Variants in FBXO46 observed in about 807,000 individuals in gnomAD.
FBXO46 encodes F-box protein 46, also known as F-box only protein 46.
In FBXO46, 13 loss-of-function variants were observed where a neutral mutation model predicts 30.7. That is an observed-to-expected ratio of 0.42 (90% confidence interval 0.28 to 0.67). FBXO46 has a LOEUF of 0.67. Among genes scored for constraint, FBXO46 ranks in the 30% least tolerant of loss-of-function variants. The probability of loss-of-function intolerance (pLI) is 0.21; values close to 1 mark genes in which losing one functional copy is unlikely to be tolerated. For missense variants in FBXO46, 754 were observed against 871.5 expected (o/e 0.87, Z 1.70); for synonymous variants, 467 against 385.8 (o/e 1.21, Z -2.47).
rs1317058163 is a variant in FBXO46, at chr19:45,710,930, A to T, written c.*754T>A. The stretch of plus-strand genomic sequence containing the variant: ...CCCACGGGGCCCCCCCACGCTGTCA[A>T]AAGCGAGGCAAAGGGCTTCACAGCT... On this transcript the variant is annotated 3_prime_UTR_variant, in exon 2 of 2. Transcript: ENST00000317683. 5.6e-6 allele frequency: 1 copy of T among 179,744 alleles called. No homozygotes were observed. Among genetic ancestry groups the T allele is most frequent in the African/African-American group, 2.4e-5 (1 of 41,596 alleles). The allele number at this position is 179,744 out of a possible 1,614,324, so 11.1% of individuals were successfully genotyped here. A position where few individuals can be genotyped will look rare whatever the true frequency, so the allele number is the denominator to read the frequency against.
At chr19:45,729,004 G>A (rs1198940058) in intron 1 of FBXO46, among the ~76,000 whole-genome samples, 6 of 152,048 alleles carry the variant, frequency 3.9e-5, no homozygotes, top group South Asian at 2.1e-4. Flanking sequence ...TCAGCTACTC[G>A]GGAGGCTGAG....
rs1457955406 is a variant in FBXO46 at position 45,711,217 on chromosome 19, G to A, written c.*467C>T. The A allele has an allele frequency of 9.4e-6, 4 of 425,956 alleles. No homozygotes were observed. The highest frequency in any genetic ancestry group is 6.8e-5 in the South Asian group (4 of 58,506). The allele number at this position is 425,956 out of a possible 1,614,324, so 26.4% of individuals were successfully genotyped here. A position where few individuals can be genotyped will look rare whatever the true frequency, so the allele number is the denominator to read the frequency against. Reference sequence around the variant, plus strand: ...TTCCTAGAGAGGTGAGAGCTGTCGTGTGGCAGGTTAGGAGAGGTGCCAACC... The same window carrying A: ...TTCCTAGAGAGGTGAGAGCTGTCGTATGGCAGGTTAGGAGAGGTGCCAACC... On this transcript the variant is annotated 3_prime_UTR_variant, in exon 2 of 2. Coordinates refer to ENST00000317683, the MANE Select transcript of FBXO46 (RefSeq NM_001080469.2).
intron 1 of FBXO46, among the ~76,000 whole-genome samples, chr19:45,721,499 C>CAGTT (rs1407272422): frequency 6.6e-6 from 1 of 151,530 alleles, no homozygotes. Context: ...GGCACTTGCC[C>CAGTT]AGTTACATGG....
At position 45,712,543 on chromosome 19, in the gene FBXO46, G is replaced by A. The variant is rs781528654; in HGVS notation, c.953C>T (p.Ala318Val). The change falls in exon 2 of 2, where the codon GCC becomes GTC. Residue 318 changes from alanine (A) to valine (V), a missense_variant. By Grantham distance (64) the Ala-to-Val change is moderately conservative (BLOSUM62 0). Around this residue, in one of 5 missense-constraint regions of FBXO46, gnomAD observed 454 missense variants for 426.5 expected, o/e 1.06. Coordinates refer to ENST00000317683, the MANE Select transcript of FBXO46 (RefSeq NM_001080469.2). The surrounding 1 kb of genome is among the most constrained non-coding windows in gnomAD (Gnocchi z 8.8). ...CAGGAACTCCACGTTGCTGGGGAGGGCATCCCGCGAGGGGCTGATGAGCTG... is the reference window on the plus strand; with the variant it reads ...CAGGAACTCCACGTTGCTGGGGAGGACATCCCGCGAGGGGCTGATGAGCTG... ...LYQLISPSRD[A>V]LPSNVEFLLA... is the part of the protein sequence containing the mutation. 8 of 1,597,854 alleles carry A rather than the reference G, an allele frequency of 5.0e-6. No homozygotes were observed. Among genetic ancestry groups the A allele is most frequent in the South Asian group, 3.4e-5 (3 of 89,184 alleles).
chr19:45,718,551 C>T (rs1016846576), intron 1 of FBXO46, among the ~76,000 whole-genome samples: 4 of 152,132 alleles, frequency 2.6e-5, no homozygotes, highest in East Asian at 1.9e-4. Context: ...GCTGTTCCCA[C>T]CAACTGCAAT....
Position 45,713,009 on chromosome 19 carries a change from C to A in FBXO46, c.487G>T (p.Ala163Ser). ...GAGAGCAGGTCCACGTCCTCACCGGCTGAGGCGGGGCCCTCCTCAGCAGCA... is the reference window on the plus strand; with the variant it reads ...GAGAGCAGGTCCACGTCCTCACCGGATGAGGCGGGGCCCTCCTCAGCAGCA... ...PPAAEEGPAS[A>S]GEDVDLLSVA... The change falls in exon 2 of 2, where the codon GCC becomes TCC. Residue 163 changes from alanine to serine, a missense_variant. This residue lies in a region of FBXO46 where 454 missense variants were observed against 426.5 expected (regional missense o/e 1.06). Coordinates refer to ENST00000317683, the MANE Select transcript of FBXO46 (RefSeq NM_001080469.2). This position sits in a 1 kb window ranked among gnomAD's most constrained non-coding sequence, Gnocchi z 4.7. 1.3e-6 allele frequency: 2 copies of A among 1,558,582 alleles called. No homozygotes were observed. Among genetic ancestry groups the A allele is most frequent in the East Asian group, 2.3e-5 (1 of 43,232 alleles).
intron 1 of FBXO46, among the ~76,000 whole-genome samples, chr19:45,725,975 G>C (rs1968234363): frequency 6.6e-6 from 1 of 152,032 alleles, no homozygotes; most frequent in Admixed American, 6.6e-5. Flanking sequence ...GGGCCCAAGT[G>C]ATCCTCCCGC....
intron 1 of FBXO46, among the ~76,000 whole-genome samples, chr19:45,717,749 TCAGAGTATCCAG>T (rs1968117369): frequency 7.6e-6 from 1 of 130,928 alleles, no homozygotes; most frequent in Admixed American, 8.6e-5. Flanking sequence ...GGCGGAGAGA[TCAGAGTATCCAG>T]CTTTGGTTGG....
intron 1 of FBXO46, chr19:45,714,862 A>G (rs1288559535): frequency 1.3e-5 from 2 of 152,108 alleles, no homozygotes; most frequent in Non-Finnish European, 2.9e-5. Context: ...TGATCATACC[A>G]CTGCACTCCA....
Position 45,711,023 on chromosome 19 carries a change from CTTT to C in FBXO46, c.*658_*660del, listed in dbSNP as rs796384776. 4.5e-6 allele frequency: 1 copy of C among 221,366 alleles called. No individual in the cohort carries two copies. The highest frequency in any genetic ancestry group is 8.7e-6 in the Non-Finnish European group (1 of 114,438). The allele number at this position is 221,366 out of a possible 1,614,324, so 13.7% of individuals were successfully genotyped here. On this transcript the variant is annotated 3_prime_UTR_variant, in exon 2 of 2. Coordinates refer to ENST00000317683, the MANE Select transcript of FBXO46 (RefSeq NM_001080469.2). ...GAGGAGGAGGGTTTTTATACTTCAG[CTTT>C]TTTTTTGTCTGCCCCCCTCTTCCTC...
intron 1 of FBXO46, among the ~76,000 whole-genome samples, chr19:45,721,000 CAA>C (rs11326838): frequency 0.03 from 3,204 of 107,590 alleles, 118 homozygotes; most frequent in African/African-American, 0.099. Context: ...GACTCTCAGC[CAA>C]AAAAAAAAAA....
chr19:45,712,910 G>C lies in FBXO46; in HGVS notation c.586C>G (p.Pro196Ala), dbSNP rs779488808. 1 of 1,611,612 alleles carries C rather than the reference G, an allele frequency of 6.2e-7. No homozygotes were observed. ...GCGGACACAAAGACTACAGGCGCTG[G>C]GGTGGTCGGTCGTGGGTAGCTCTGC... ...ALQSYPRPTTPAPVVFVSAEQ... is the reference protein window; with the variant it reads ...ALQSYPRPTTAAPVVFVSAEQ... The change falls in exon 2 of 2, where the codon CCA becomes GCA. Residue 196 changes from proline (P) to alanine (A), a missense_variant. This residue lies in a region of FBXO46 where 454 missense variants were observed against 426.5 expected (regional missense o/e 1.06). Transcript: ENST00000317683. The surrounding 1 kb of genome is among the most constrained non-coding windows in gnomAD (Gnocchi z 8.8).
At chr19:45,721,396 C>T (rs7256524) in intron 1 of FBXO46, among the ~76,000 whole-genome samples, 48,124 of 151,462 alleles carry the variant, frequency 0.32, 7,903 homozygotes, top group Non-Finnish European at 0.36. Flanking sequence ...AATGGTAAAG[C>T]GTAGATGTCT....
In FBXO46 at chr19:45,712,148, G is replaced by T. The variant is rs1398001715; in HGVS notation, c.1348C>A (p.Arg450=). 1.9e-6 allele frequency: 3 copies of T among 1,594,184 alleles called. 1 individual carries two copies. The South Asian group carries it at 3.4e-5, about 18-fold the overall frequency. Residue 450 remains arginine, a synonymous_variant, in exon 2 of 2, where the codon CGG becomes AGG. Coordinates refer to ENST00000317683, the MANE Select transcript of FBXO46 (RefSeq NM_001080469.2). The surrounding 1 kb of genome is among the most constrained non-coding windows in gnomAD (Gnocchi z 8.8). ...TADTSLCRLY[R]HVSHDFLEIR... is the part of the protein sequence containing the mutation. ...TCTAGGAAGTCGTGCGACACGTGCCGGTACAAGCGGCACAGGGAGGTGTCC... is the reference window on the plus strand; with the variant it reads ...TCTAGGAAGTCGTGCGACACGTGCCTGTACAAGCGGCACAGGGAGGTGTCC...
chr19:45,727,227 C>G (rs1968251458), intron 1 of FBXO46, among the ~76,000 whole-genome samples: 2 of 146,624 alleles, frequency 1.4e-5, no homozygotes, highest in South Asian at 4.3e-4. Context: ...CCAGCCAGGG[C>G]AACAAAGTGA....
chr19:45,729,794 C>T (rs1319785826), intron 1 of FBXO46, among the ~76,000 whole-genome samples: 1 of 152,210 alleles, frequency 6.6e-6, no homozygotes, highest in Non-Finnish European at 1.5e-5. Context: ...AAACAATAAG[C>T]GTTAGCTGTA....
chr19:45,713,500 G>T lies in FBXO46; in HGVS notation c.-5C>A. On this transcript the variant is annotated 5_prime_UTR_variant, in exon 2 of 2. Coordinates refer to ENST00000317683, the MANE Select transcript of FBXO46 (RefSeq NM_001080469.2). This position sits in a 1 kb window ranked among gnomAD's most constrained non-coding sequence, Gnocchi z 4.7. ...CAGGAGGCTCCCACGGTCCATGCTG[G>T]GGGATGATGGCAGACAGGCTGGGCT... The T allele has an allele frequency of 1.3e-6, 2 of 1,543,594 alleles. No homozygotes were observed. Among genetic ancestry groups the T allele is most frequent in the Non-Finnish European group, 1.8e-6 (2 of 1,141,404 alleles).
intron 1 of FBXO46, among the ~76,000 whole-genome samples, chr19:45,727,279 T>C (rs1456892431): frequency 6.9e-6 from 1 of 144,438 alleles, no homozygotes; most frequent in Non-Finnish European, 1.5e-5. Context: ...AAAAAAGAGG[T>C]CGGAGCAGTG....
At chr19:45,721,211 A>G (rs1968165836) in intron 1 of FBXO46, among the ~76,000 whole-genome samples, 1 of 151,642 alleles carries the variant, frequency 6.6e-6, no homozygotes, top group Non-Finnish European at 1.5e-5. Context: ...AAAATTAGCC[A>G]GCATGTGCCT....
Sources: gnomAD v4.1 joint callset for allele counts (sites outside exome capture counted in the v4.1 genomes callset) on GRCh38, gnomAD v4.1.1 for gene constraint, gnomAD v4.1.1 regional missense constraint, Gnocchi (gnomAD v3.1) non-coding constraint, MANE v1.5 for transcripts, NCBI Gene and HGNC (gene_info 2026-07-23, HGNC 2026-07-21) for gene names.